Variants in FES observed in about 807,000 individuals in gnomAD.
FES encodes FES proto-oncogene, tyrosine kinase, also known as tyrosine-protein kinase Fes/Fps.
Under a neutral mutation model 109.6 loss-of-function variants are expected in FES, and 83 were observed. That is an observed-to-expected ratio of 0.76 (90% confidence interval 0.63 to 0.91). FES has a LOEUF of 0.91. Ranked by LOEUF, FES falls within the 40% of genes least tolerant of loss-of-function variation. FES has a pLI of 0.00. For synonymous variants in FES, 458 were observed against 442.1 expected, an observed-to-expected ratio of 1.04 and a Z score of -0.45; for missense variants, 943 against 1,070.9, an observed-to-expected ratio of 0.88 and a Z score of 1.67.
chr15:90,884,933 C>T lies in FES; in HGVS notation c.-9-104C>T, dbSNP rs61516512. On this transcript the variant is annotated intron_variant, in intron 1 of 18. Transcript: ENST00000328850. ...GCGAGGCAGGACCCCACCTCCTCCC[C>T]GTCTGCAGTCCATCCTGACCCTACA... 0.021 allele frequency: 19,137 copies of T among 928,938 alleles called. 2,301 individuals are homozygous for T. In the African/African-American group the frequency reaches 0.27, roughly 13 times the overall value. 57.5% of individuals were successfully genotyped at this position (928,938 alleles called of 1,614,324 possible).
At chr15:90,887,451 A>G in intron 5 of FES, 81 bp downstream of exon 5, 1 of 1,406,930 alleles carries the variant, frequency 7.1e-7, no homozygotes, top group Non-Finnish European at 9.5e-7. Context: ...CAGGACCCAG[A>G]AAATCCATTG....
At chr15:90,891,986 G>A in intron 12 of FES, 72 bp from the exon 13 acceptor site, 1 of 1,584,238 alleles carries the variant, frequency 6.3e-7, no homozygotes, top group Non-Finnish European at 8.7e-7. Flanking sequence ...AAAAATGGAG[G>A]ACACAGCCCT....
chr15:90,890,928 C>A lies in FES; in HGVS notation c.1321-54C>A, dbSNP rs1008273508. On this transcript the variant is annotated intron_variant, in intron 10 of 18. Transcript: ENST00000328850. ...AGAGAGAGACCCCCGGCTGCCCCCACGGCCTCTTCAACAAGGTGGTTAAGT... is the reference window on the plus strand; with the variant it reads ...AGAGAGAGACCCCCGGCTGCCCCCAAGGCCTCTTCAACAAGGTGGTTAAGT... 5.3e-6 allele frequency: 8 copies of A among 1,508,680 alleles called. No individual in the cohort carries two copies. The African/African-American group carries it at 8.3e-5, about 16-fold the overall frequency. 93.5% of individuals were successfully genotyped at this position (1,508,680 alleles called of 1,614,324 possible).
chr15:90,889,071 G>A lies in FES; in HGVS notation c.669-235G>A. On this transcript the variant is annotated intron_variant, in intron 5 of 18. Coordinates refer to ENST00000328850, the MANE Select transcript of FES (RefSeq NM_002005.4). This position sits in a 1 kb window ranked among gnomAD's most constrained non-coding sequence, Gnocchi z 6.1. ...CCCAGTGTTGGTATTATAGGCGTGA[G>A]CCACTGTGCCTGGCCCACTGGATCC... The A allele has an allele frequency of 1.8e-6, 1 of 553,304 alleles. No individual in the cohort carries two copies. 34.3% of individuals were successfully genotyped at this position (553,304 alleles called of 1,614,324 possible).
rs767912113 is a variant in FES, at chr15:90,893,746, A to C, written c.2138A>C (p.Tyr713Ser). 1.9e-5 allele frequency: 30 copies of C among 1,611,072 alleles called. No individual in the cohort carries two copies. The highest frequency in any genetic ancestry group is 2.5e-5 in the Non-Finnish European group (29 of 1,178,692). The stretch of plus-strand genomic sequence containing the variant: ...TCCCGAGAGGAAGCCGATGGGGTCT[A>C]TGCAGCCTCAGGGGGCCTCAGACAA... ...GMSREEADGV[Y>S]AASGGLRQVP... The change falls in exon 17 of 19, where the codon TAT becomes TCT. Residue 713 changes from tyrosine to serine, a missense_variant. Transcript: ENST00000328850.
intron 10 of FES, 66 bp from the exon 11 acceptor site, chr15:90,890,916 C>T (rs769283692): frequency 1.1e-4 from 168 of 1,461,160 alleles, no homozygotes; most frequent in Middle Eastern, 1.7e-4. Flanking sequence ...GAGAGACCCC[C>T]GGCTGCCCCC....
At chr15:90,893,047 G>A in intron 14 of FES, 53 bp from the exon 15 acceptor site, 6 of 1,569,030 alleles carry the variant, frequency 3.8e-6, no homozygotes, top group South Asian at 2.3e-5. Flanking sequence ...TCCCTGGGGG[G>A]CCCTGGGGAG....
intron 11 of FES, 173 bp from the exon 12 acceptor site, chr15:90,891,381 C>CCCCTG: frequency 1.9e-6 from 2 of 1,077,314 alleles, no homozygotes; most frequent in East Asian, 4.9e-5. Context: ...TGTGAGTCCT[C>CCCCTG]CCCTGGTGGG....
intron 5 of FES, among the ~76,000 whole-genome samples, chr15:90,888,320 A>G (rs1245522983): frequency 1.3e-5 from 2 of 152,138 alleles, no homozygotes; most frequent in African/African-American, 2.4e-5. Context: ...TGCCCAGGCT[A>G]GTCTCTAATT....
At chr15:90,891,257 A>G in intron 11 of FES, 66 bp downstream of exon 11, 1 of 1,522,352 alleles carries the variant, frequency 6.6e-7, no homozygotes, top group Non-Finnish European at 8.8e-7. Flanking sequence ...TCCCCAAGGG[A>G]AATGGCCTTT....
At position 90,885,489 on chromosome 15, in the gene FES, G is replaced by A. The variant is rs1186864782; in HGVS notation, c.291G>A (p.Gly97=). The A allele has an allele frequency of 6.2e-7, 1 of 1,613,458 alleles. No individual in the cohort carries two copies. The highest frequency in any genetic ancestry group is 8.5e-7 in the Non-Finnish European group (1 of 1,180,036). The change falls in exon 3 of 19, where the codon GGG becomes GGA. Residue 97 remains glycine, a synonymous_variant. Coordinates refer to ENST00000328850, the MANE Select transcript of FES (RefSeq NM_002005.4). ...AGCACGCAGAGGATCTGAACTCAGGGCCCCTGAGCAAGCTGAGCCTGCTCA... is the reference window on the plus strand; with the variant it reads ...AGCACGCAGAGGATCTGAACTCAGGACCCCTGAGCAAGCTGAGCCTGCTCA... ...LRQHAEDLNS[G]PLSKLSLLIR... is the part of the protein sequence containing the mutation.
chr15:90,889,419 A>G lies in FES; in HGVS notation c.782A>G (p.Tyr261Cys), dbSNP rs1349795513. ...GCCCGCATCCAGCCTGAGGCTGAGTACCAAGGCTTCCTGCGACAGTATGGG... is the reference window on the plus strand; with the variant it reads ...GCCCGCATCCAGCCTGAGGCTGAGTGCCAAGGCTTCCTGCGACAGTATGGG... ...AAARIQPEAE[Y>C]QGFLRQYGSA... The change falls in exon 6 of 19, where the codon TAC becomes TGC. Residue 261 changes from tyrosine to cysteine, a missense_variant. Physicochemically the swap from Tyr to Cys is radical, Grantham distance 194. Coordinates refer to ENST00000328850, the MANE Select transcript of FES (RefSeq NM_002005.4). This position sits in a 1 kb window ranked among gnomAD's most constrained non-coding sequence, Gnocchi z 6.1. 1 of 1,614,092 alleles carries G rather than the reference A, an allele frequency of 6.2e-7. No homozygotes were observed. The highest frequency in any genetic ancestry group is 8.5e-7 in the Non-Finnish European group (1 of 1,180,018).
chr15:90,894,438 AGCCAG>A (rs1182839248), intron 18 of FES, among the ~76,000 whole-genome samples: 3 of 152,068 alleles, frequency 2.0e-5, no homozygotes, highest in Non-Finnish European at 2.9e-5. Context: ...TACAAAAATT[AGCCAG>A]GCATGGTGGC....
intron 1 of FES, chr15:90,884,795 G>A (rs1428908210): frequency 6.3e-6 from 3 of 477,014 alleles, no homozygotes; most frequent in South Asian, 2.8e-5. Flanking sequence ...TGGGGAGGGA[G>A]GCTCCAGGTT....
intron 1 of FES, 183 bp from the exon 2 acceptor site, chr15:90,884,854 A>C: frequency 1.7e-6 from 1 of 594,276 alleles, no homozygotes; most frequent in Non-Finnish European, 3.0e-6. Flanking sequence ...TAAGGAAGCA[A>C]TGAGGGCCAG....
At position 90,893,201 on chromosome 15, in the gene FES, G is replaced by T. The variant is rs368182041; in HGVS notation, c.1921+7G>T. 7.4e-6 allele frequency: 12 copies of T among 1,613,708 alleles called. No individual in the cohort carries two copies. The highest frequency in any genetic ancestry group is 1.7e-4 in the Middle Eastern group (1 of 6,060). On this transcript the variant is annotated splice_region_variant and intron_variant, in intron 15 of 18. Transcript: ENST00000328850. ...GTCATGGAGCTTGTGCAGGGTGAGC[G>T]CGGGGCGCTGAGCTCCAGGTAGGGC...
In FES at chr15:90,892,116, G is replaced by A; in HGVS notation, c.1707+5G>A. The stretch of plus-strand genomic sequence containing the variant: ...TTGGGTGAGCAGATTGGACGGGTGA[G>A]TGCGCCTCTGCTGGCCTCCTTGTCG... On this transcript the variant is annotated splice_donor_5th_base_variant and intron_variant, in intron 13 of 18. Coordinates refer to ENST00000328850, the MANE Select transcript of FES (RefSeq NM_002005.4). The A allele has an allele frequency of 1.2e-6, 2 of 1,613,990 alleles. No individual in the cohort carries two copies. The highest frequency in any genetic ancestry group is 1.1e-5 in the South Asian group (1 of 91,086).
Position 90,889,753 on chromosome 15 carries a change from GC to G in FES, c.927-86del. On this transcript the variant is annotated intron_variant, in intron 7 of 18. Coordinates refer to ENST00000328850, the MANE Select transcript of FES (RefSeq NM_002005.4). This position sits in a 1 kb window ranked among gnomAD's most constrained non-coding sequence, Gnocchi z 6.1. Reference sequence around the variant, plus strand: ...CACAGAGCTGTCACCAGGTGGCCGGGCTTGCTTGGCTCTACAGGGATGCACT... The same window carrying G: ...CACAGAGCTGTCACCAGGTGGCCGGGTTGCTTGGCTCTACAGGGATGCACT... 1 of 1,603,594 alleles carries G rather than the reference GC, an allele frequency of 6.2e-7. No homozygotes were observed. Among genetic ancestry groups the G allele is most frequent in the Non-Finnish European group, 8.5e-7 (1 of 1,174,438 alleles).
At chr15:90,891,331 C>A in intron 11 of FES, 140 bp downstream of exon 11, 1 of 1,146,506 alleles carries the variant, frequency 8.7e-7, no homozygotes, top group South Asian at 1.4e-5. Context: ...GAAGGGGCCA[C>A]AGAGACCACC....
Sources: gnomAD v4.1 joint callset for allele counts (sites outside exome capture counted in the v4.1 genomes callset) on GRCh38, gnomAD v4.1.1 for gene constraint, Gnocchi (gnomAD v3.1) non-coding constraint, MANE v1.5 for transcripts, NCBI Gene and HGNC (gene_info 2026-07-23, HGNC 2026-07-21) for gene names.